SCHIP1: variants seen among roughly 807,000 people sequenced by gnomAD.
SCHIP1 encodes the protein schwannomin-interacting protein 1.
SCHIP1 carries 8 observed loss-of-function variants against 29.7 expected under a neutral mutation model. The observed-to-expected ratio is 0.27, with a 90% CI of 0.16 to 0.49. The LOEUF is 0.49. Ranked by LOEUF, SCHIP1 falls within the 20% of genes least tolerant of loss-of-function variation. The pLI is 0.99. For synonymous variants in SCHIP1, 76 were observed against 94.9 expected (o/e 0.80, Z 1.16); for missense variants, 193 against 294.6 (o/e 0.66, Z 2.52).
chr3:159,779,223 G>T, the SCHIP1 span, among the ~76,000 whole-genome samples: 3 of 152,182 alleles, frequency 2.0e-5, no homozygotes, highest in Non-Finnish European at 4.4e-5. Flanking sequence ...ATTAGAAATG[G>T]CATAGAAAAG....
At chr3:159,761,085 A>C in the SCHIP1 span, among the ~76,000 whole-genome samples, 1 of 152,208 alleles carries the variant, frequency 6.6e-6, no homozygotes, top group Non-Finnish European at 1.5e-5. Flanking sequence ...AGTGGGGTGG[A>C]GGAGGAGAAA....
At chr3:159,616,537 C>T in the SCHIP1 span, among the ~76,000 whole-genome samples, 1 of 152,158 alleles carries the variant, frequency 6.6e-6, no homozygotes, top group Admixed American at 6.5e-5. Flanking sequence ...GGGACATGGA[C>T]GATTTCTTTC....
At chr3:159,344,492 G>A in the SCHIP1 span, among the ~76,000 whole-genome samples, 48 of 152,228 alleles carry the variant, frequency 3.2e-4, no homozygotes, top group Non-Finnish European at 5.4e-4. Flanking sequence ...TTAACATGAT[G>A]AACAAAGTGG....
the SCHIP1 span, among the ~76,000 whole-genome samples, chr3:159,650,436 T>TA: frequency 6.8e-3 from 1,043 of 152,274 alleles, 12 homozygotes; most frequent in African/African-American, 0.023. Flanking sequence ...TTATTTAAAA[T>TA]ACTAGGTAGT....
At chr3:159,576,250 T>C in the SCHIP1 span, among the ~76,000 whole-genome samples, 1 of 152,190 alleles carries the variant, frequency 6.6e-6, no homozygotes, top group East Asian at 1.9e-4. Context: ...ACATGTCAAC[T>C]AAAAATTTTA....
the SCHIP1 span, among the ~76,000 whole-genome samples, chr3:159,441,089 A>G: frequency 6.6e-6 from 1 of 152,144 alleles, no homozygotes; most frequent in Non-Finnish European, 1.5e-5. Context: ...CTTTCCCATT[A>G]TTAGTTTGCT....
At chr3:159,776,332 C>CTTTT in the SCHIP1 span, among the ~76,000 whole-genome samples, 85 of 135,352 alleles carry the variant, frequency 6.3e-4, no homozygotes, top group African/African-American at 1.3e-3. Context: ...AGTGTTCTGT[C>CTTTT]TTTTTTTTTT....
chr3:159,626,877 C>T, the SCHIP1 span, among the ~76,000 whole-genome samples: 12 of 152,148 alleles, frequency 7.9e-5, no homozygotes, highest in Admixed American at 3.9e-4. Flanking sequence ...TGCCATTTGA[C>T]TGAGGCTTTT....
chr3:159,322,723 A>G, the SCHIP1 span, among the ~76,000 whole-genome samples: 1 of 152,232 alleles, frequency 6.6e-6, no homozygotes, highest in Non-Finnish European at 1.5e-5. Flanking sequence ...GGCTCAGGGC[A>G]GGAATCTGCA....
the SCHIP1 span, among the ~76,000 whole-genome samples, chr3:159,362,954 A>T: frequency 1.6e-4 from 25 of 152,294 alleles, 1 homozygote; most frequent in Admixed American, 1.1e-3. Context: ...CTGGGCCCTT[A>T]TGAAGAAAGC....
chr3:159,278,582 T>C, the SCHIP1 span, among the ~76,000 whole-genome samples: 1 of 152,198 alleles, frequency 6.6e-6, no homozygotes, highest in African/African-American at 2.4e-5. Flanking sequence ...TTTCAATCTG[T>C]ATAGCTATAG....
chr3:159,288,591 G>T, the SCHIP1 span, among the ~76,000 whole-genome samples: 1 of 152,164 alleles, frequency 6.6e-6, no homozygotes, highest in Non-Finnish European at 1.5e-5. Context: ...TACAATATTA[G>T]CTGGGCATGG....
At chr3:159,381,609 C>CT in the SCHIP1 span, among the ~76,000 whole-genome samples, 975 of 150,994 alleles carry the variant, frequency 6.5e-3, 8 homozygotes, top group South Asian at 0.032. Context: ...TCTTTTTCTT[C>CT]TTCTTTTTTT....
chr3:159,705,456 A>G, the SCHIP1 span, among the ~76,000 whole-genome samples: 1 of 152,078 alleles, frequency 6.6e-6, no homozygotes, highest in Non-Finnish European at 1.5e-5. Flanking sequence ...CCCAGAGATC[A>G]TAACATAGAA....
chr3:159,338,761 A>G, the SCHIP1 span, among the ~76,000 whole-genome samples: 1 of 152,158 alleles, frequency 6.6e-6, no homozygotes, highest in African/African-American at 2.4e-5. Context: ...ACATTCTGAT[A>G]ATATATTGGA....
At chr3:159,368,097 C>G in the SCHIP1 span, among the ~76,000 whole-genome samples, 1 of 152,106 alleles carries the variant, frequency 6.6e-6, no homozygotes, top group African/African-American at 2.4e-5. Flanking sequence ...GTCTTGAGTC[C>G]TCCCAACTCC....
At chr3:159,450,943 G>A in the SCHIP1 span, among the ~76,000 whole-genome samples, 4 of 151,532 alleles carry the variant, frequency 2.6e-5, no homozygotes, top group African/African-American at 7.3e-5. Flanking sequence ...TGAGTAGCTG[G>A]GACTACAGGC....
At chr3:159,658,611 A>G in the SCHIP1 span, among the ~76,000 whole-genome samples, 15 of 152,086 alleles carry the variant, frequency 9.9e-5, no homozygotes, top group Non-Finnish European at 1.5e-4. Context: ...TCATCTGTTT[A>G]TACTCACTCC....
chr3:159,564,523 T>G, the SCHIP1 span, among the ~76,000 whole-genome samples: 2 of 152,070 alleles, frequency 1.3e-5, no homozygotes, highest in Admixed American at 6.6e-5. Context: ...ATTACAGACA[T>G]GCGCCACCAT....
Sources: gnomAD v4.1 joint callset for allele counts (sites outside exome capture counted in the v4.1 genomes callset) on GRCh38, gnomAD v4.1.1 for gene constraint, MANE v1.5 for transcripts, NCBI Gene and HGNC (gene_info 2026-07-23, HGNC 2026-07-21) for gene names.